The following CDK19 variants were observed in gnomAD, a reference collection of about 807,000 sequenced individuals.
The protein encoded by CDK19 is cyclin dependent kinase 19.
In CDK19, 20 loss-of-function variants were observed where a neutral mutation model predicts 68.3. The observed-to-expected ratio is 0.29, with a 90% CI of 0.21 to 0.43. CDK19 has a LOEUF of 0.43. CDK19 is among the 20% of genes least tolerant of loss of function. The pLI is 1.00. For missense variants in CDK19, 339 were observed against 623.5 expected (o/e 0.54, Z 4.86); for synonymous variants, 221 against 222.8 (o/e 0.99, Z 0.07).
chr6:110,657,634 G>A (rs1781383619), intron 4 of CDK19, among the ~76,000 whole-genome samples: 1 of 152,174 alleles, frequency 6.6e-6, no homozygotes. Flanking sequence ...TTCTCAACTA[G>A]TTCCTGCCAT....
chr6:110,780,276 G>A (rs1177692930), intron 1 of CDK19, among the ~76,000 whole-genome samples: 7 of 150,276 alleles, frequency 4.7e-5, no homozygotes, highest in Non-Finnish European at 8.9e-5. Context: ...TGTAATCCTA[G>A]CTGCTCGGGA....
At chr6:110,765,513 C>G (rs1779521870) in intron 1 of CDK19, among the ~76,000 whole-genome samples, 1 of 151,924 alleles carries the variant, frequency 6.6e-6, no homozygotes, top group South Asian at 2.1e-4. Context: ...AACCCCGTCT[C>G]TATTAAAAAT....
chr6:110,642,308 CAAAAA>C (rs56320713), intron 4 of CDK19, among the ~76,000 whole-genome samples: 3 of 96,324 alleles, frequency 3.1e-5, no homozygotes, highest in African/African-American at 7.4e-5. Flanking sequence ...GACTCTGTTT[CAAAAA>C]AAAAAAAAAA....
intron 4 of CDK19, among the ~76,000 whole-genome samples, chr6:110,649,503 GAC>G (rs1490369057): frequency 6.6e-6 from 1 of 152,000 alleles, no homozygotes; most frequent in African/African-American, 2.4e-5. Flanking sequence ...TAAAAGAAAA[GAC>G]TGATAAATTT....
At chr6:110,635,703 C>G (rs1408496371) in intron 5 of CDK19, among the ~76,000 whole-genome samples, 1 of 152,138 alleles carries the variant, frequency 6.6e-6, no homozygotes, top group East Asian at 1.9e-4. Context: ...CCACGCCCAG[C>G]TAATTTTTGT....
chr6:110,698,993 G>A (rs1015503136), intron 2 of CDK19, among the ~76,000 whole-genome samples: 1 of 148,830 alleles, frequency 6.7e-6, no homozygotes, highest in Admixed American at 6.7e-5. Context: ...GGTCGAGGCT[G>A]CAGTGAGCCA....
At chr6:110,633,746 C>T (rs2114719144) in intron 5 of CDK19, among the ~76,000 whole-genome samples, 1 of 152,276 alleles carries the variant, frequency 6.6e-6, no homozygotes, top group East Asian at 1.9e-4. Flanking sequence ...CATCATATTT[C>T]ACCTCATTGA....
At chr6:110,740,340 C>A (rs1055919065) in intron 2 of CDK19, among the ~76,000 whole-genome samples, 1 of 152,158 alleles carries the variant, frequency 6.6e-6, no homozygotes, top group African/African-American at 2.4e-5. Context: ...TCCCTGTAAT[C>A]CCAGGCTAAA....
chr6:110,614,286 C>A lies in CDK19; in HGVS notation c.*249G>T, dbSNP rs80057960. 1 of 354,218 alleles carries A rather than the reference C, an allele frequency of 2.8e-6. No homozygotes were observed. Among genetic ancestry groups the A allele is most frequent in the African/African-American group, 2.0e-5 (1 of 49,536 alleles). The allele number at this position is 354,218 out of a possible 1,614,324, so 21.9% of individuals were successfully genotyped here. A position where few individuals can be genotyped will look rare whatever the true frequency, so the allele number is the denominator to read the frequency against. On this transcript the variant is annotated 3_prime_UTR_variant, in exon 13 of 13. Coordinates refer to ENST00000368911, the MANE Select transcript of CDK19 (RefSeq NM_015076.5). ...ACAGAAGTGCTGGGATTAGATCAGACGCTTTATCAGAGAAGTCACAATGGA... is the reference window on the plus strand; with the variant it reads ...ACAGAAGTGCTGGGATTAGATCAGAAGCTTTATCAGAGAAGTCACAATGGA...
At chr6:110,806,528 T>C (rs958614594) in intron 1 of CDK19, among the ~76,000 whole-genome samples, 2 of 152,148 alleles carry the variant, frequency 1.3e-5, no homozygotes, top group African/African-American at 2.4e-5. Context: ...AGGTACAAAA[T>C]GCTGTGCTTA....
intron 1 of CDK19, among the ~76,000 whole-genome samples, chr6:110,814,303 C>CT (rs1783383129): frequency 6.6e-6 from 1 of 152,256 alleles, no homozygotes; most frequent in African/African-American, 2.4e-5. Context: ...TCAGCCAACT[C>CT]TTAAGTTGCC....
chr6:110,620,033 A>G (rs2114608318), intron 12 of CDK19, among the ~76,000 whole-genome samples: 1 of 152,312 alleles, frequency 6.6e-6, no homozygotes, highest in South Asian at 2.1e-4. Context: ...AAATATGCTC[A>G]TGCTACTACC....
chr6:110,802,006 T>C (rs1017238273), intron 1 of CDK19, among the ~76,000 whole-genome samples: 21 of 152,178 alleles, frequency 1.4e-4, no homozygotes, highest in African/African-American at 4.6e-4. Flanking sequence ...CCAGTCAGAA[T>C]TGCTATTATC....
intron 1 of CDK19, among the ~76,000 whole-genome samples, chr6:110,758,994 G>A (rs558699512): frequency 5.6e-4 from 85 of 152,098 alleles, no homozygotes; most frequent in African/African-American, 2.0e-3. Context: ...AGGTATAATG[G>A]CCCATGCCTG....
intron 1 of CDK19, among the ~76,000 whole-genome samples, chr6:110,797,288 C>T (rs138851410): frequency 0.019 from 2,946 of 151,832 alleles, 96 homozygotes; most frequent in African/African-American, 0.068. Flanking sequence ...TGCAGTGAAC[C>T]GAGATCGCGC....
At chr6:110,693,230 C>G (rs1003959470) in intron 2 of CDK19, among the ~76,000 whole-genome samples, 1 of 152,188 alleles carries the variant, frequency 6.6e-6, no homozygotes, top group Non-Finnish European at 1.5e-5. Flanking sequence ...TTCACAGACC[C>G]TTTGAAAGAA....
In CDK19 at chr6:110,635,745, G is replaced by A. The variant is rs571624391; in HGVS notation, c.514+2904C>T. ...AGCAGAGACGGGGTTTCACCATGTTGGCCAGATGGTCTCGATCTCTTGACC... is the reference window on the plus strand; with the variant it reads ...AGCAGAGACGGGGTTTCACCATGTTAGCCAGATGGTCTCGATCTCTTGACC... On this transcript the variant is annotated intron_variant, in intron 5 of 12. Coordinates refer to ENST00000368911, the MANE Select transcript of CDK19 (RefSeq NM_015076.5). Among the ~76,000 whole-genome samples, 18 of 152,200 alleles carry A rather than the reference G, an allele frequency of 1.2e-4. No homozygotes were observed. The South Asian group carries it at 2.9e-3, about 25-fold the overall frequency.
At chr6:110,713,298 C>G (rs1261086033) in intron 2 of CDK19, among the ~76,000 whole-genome samples, 1 of 151,566 alleles carries the variant, frequency 6.6e-6, no homozygotes, top group African/African-American at 2.4e-5. Flanking sequence ...AGCAAAACTC[C>G]TAGCTGGGTA....
At chr6:110,664,792 A>T (rs1781821897) in intron 4 of CDK19, among the ~76,000 whole-genome samples, 3 of 152,316 alleles carry the variant, frequency 2.0e-5, no homozygotes, top group East Asian at 3.9e-4. Context: ...TACAACAGGA[A>T]CCAACAACAA....
Sources: gnomAD v4.1 joint callset for allele counts (sites outside exome capture counted in the v4.1 genomes callset) on GRCh38, gnomAD v4.1.1 for gene constraint, MANE v1.5 for transcripts, NCBI Gene and HGNC (gene_info 2026-07-23, HGNC 2026-07-21) for gene names.